FRMPD4: variants seen among roughly 807,000 people sequenced by gnomAD.
FRMPD4 encodes the protein FERM and PDZ domain-containing protein 4.
A neutral mutation model predicts 94.1 loss-of-function variants in FRMPD4; 22 were observed. The observed-to-expected ratio is 0.23, with a 90% CI of 0.17 to 0.33. FRMPD4 has a LOEUF of 0.33. Ranked by LOEUF, FRMPD4 falls within the 10% of genes least tolerant of loss-of-function variation. The probability of loss-of-function intolerance (pLI) is 1.00; values close to 1 mark genes in which losing one functional copy is unlikely to be tolerated. For missense variants in FRMPD4, 1,111 were observed against 1,339.9 expected (o/e 0.83, Z 2.67); for synonymous variants, 631 against 548.6 (o/e 1.15, Z -2.10).
chrX:12,102,392 A>C (rs1457361000), intron 3 of FRMPD4, among the ~76,000 whole-genome samples: 3 of 111,885 alleles, frequency 2.7e-5, no homozygotes, highest in Non-Finnish European at 1.9e-5. Flanking sequence ...ATGTGTATGC[A>C]CACATGTATC....
Position 12,087,292 on chromosome X carries a change from G to C in FRMPD4, c.95+209274G>C, listed in dbSNP as rs770537507. Among the ~76,000 whole-genome samples, 7 of 111,830 alleles carry C rather than the reference G, an allele frequency of 6.3e-5. No individual in the cohort carries two copies. In the South Asian group the frequency reaches 2.7e-3, roughly 44 times the overall value. On this transcript the variant is annotated intron_variant, in intron 3 of 18. Transcript: ENST00000640291. ...CTAAGAGTTCTAGGGGAAAGTCAAA[G>C]AGAGAAGTTTAAAATGTGGTGGCAA...
intron 1 of FRMPD4, among the ~76,000 whole-genome samples, chrX:12,407,448 T>C (rs1183124058): frequency 8.9e-6 from 1 of 112,056 alleles, no homozygotes. Context: ...GGAAAGTCAC[T>C]TCGCCTTGCC....
intron 1 of FRMPD4, among the ~76,000 whole-genome samples, chrX:12,278,610 G>A (rs2054477891): frequency 8.9e-6 from 1 of 112,538 alleles, no homozygotes; most frequent in South Asian, 3.7e-4. Flanking sequence ...ACTTTAAGAT[G>A]TCTTGGGTTT....
At chrX:12,290,316 A>G (rs922927888) in intron 1 of FRMPD4, among the ~76,000 whole-genome samples, 2 of 112,327 alleles carry the variant, frequency 1.8e-5, no homozygotes, top group Non-Finnish European at 3.8e-5. Flanking sequence ...ATACTGCCCA[A>G]AGGTAAAATA....
chrX:12,286,959 G>A (rs1439015968), intron 1 of FRMPD4, among the ~76,000 whole-genome samples: 3 of 112,156 alleles, frequency 2.7e-5, no homozygotes, highest in Admixed American at 9.4e-5. Flanking sequence ...CATCAATCCT[G>A]ACTTGGCCTA....
chrX:12,364,371 A>G (rs752263026), intron 1 of FRMPD4, among the ~76,000 whole-genome samples: 2 of 111,339 alleles, frequency 1.8e-5, no homozygotes, highest in African/African-American at 6.6e-5. Flanking sequence ...TGTGGTTTTC[A>G]TGGGAAGGAA....
At chrX:11,889,185 C>T (rs1030284675) in intron 3 of FRMPD4, among the ~76,000 whole-genome samples, 2 of 112,125 alleles carry the variant, frequency 1.8e-5, no homozygotes, top group South Asian at 7.4e-4. Flanking sequence ...AAATATAATG[C>T]AAGTTTCTTG....
chrX:12,714,416 A>G (rs1204722239), intron 14 of FRMPD4, among the ~76,000 whole-genome samples: 1 of 111,382 alleles, frequency 9.0e-6, no homozygotes, highest in Non-Finnish European at 1.9e-5. Context: ...TCTCTCTGCC[A>G]TTGAATTTAG....
At chrX:12,432,854 G>A (rs1252816139) in intron 1 of FRMPD4, among the ~76,000 whole-genome samples, 2 of 112,204 alleles carry the variant, frequency 1.8e-5, no homozygotes, top group East Asian at 2.8e-4. Context: ...TCCAGCCTTG[G>A]CCTCCCAAAG....
intron 3 of FRMPD4, among the ~76,000 whole-genome samples, chrX:12,123,123 C>CTTTTT (rs58251577): frequency 3.7e-4 from 31 of 84,260 alleles, no homozygotes; most frequent in Non-Finnish European, 4.4e-4. Flanking sequence ...ATTTTCTTTT[C>CTTTTT]TTTTTTTTTT....
At chrX:11,994,329 A>G (rs1321094327) in intron 3 of FRMPD4, among the ~76,000 whole-genome samples, 1 of 110,811 alleles carries the variant, frequency 9.0e-6, no homozygotes, top group African/African-American at 3.3e-5. Context: ...GAGGGATGTT[A>G]TTTTTTCCCA....
At chrX:12,270,571 A>G (rs1176534758) in intron 1 of FRMPD4, among the ~76,000 whole-genome samples, 6 of 112,013 alleles carry the variant, frequency 5.4e-5, no homozygotes, top group Non-Finnish European at 3.8e-5. Flanking sequence ...TCAGAAATAT[A>G]CATATATGTA....
intron 3 of FRMPD4, among the ~76,000 whole-genome samples, chrX:12,039,108 T>G (rs922349935): frequency 1.8e-5 from 2 of 110,721 alleles, no homozygotes; most frequent in Non-Finnish European, 1.9e-5. Flanking sequence ...GCTGAAGCGA[T>G]CCCCCCACCT....
At chrX:11,931,795 C>G (rs749339087) in intron 3 of FRMPD4, among the ~76,000 whole-genome samples, 4 of 111,779 alleles carry the variant, frequency 3.6e-5, no homozygotes, top group Non-Finnish European at 7.5e-5. Context: ...TTTCCTTAAG[C>G]AGTACAAATG....
intron 1 of FRMPD4, among the ~76,000 whole-genome samples, chrX:12,481,284 C>A (rs1427019208): frequency 2.7e-5 from 3 of 111,646 alleles, no homozygotes; most frequent in Non-Finnish European, 5.6e-5. Context: ...CCTAGGCCCC[C>A]ACGCCTGCCT....
At chrX:12,325,860 G>C (rs2055279412) in intron 1 of FRMPD4, among the ~76,000 whole-genome samples, 1 of 112,020 alleles carries the variant, frequency 8.9e-6, no homozygotes, top group Non-Finnish European at 1.9e-5. Context: ...TGAAGTAACG[G>C]GTTACTCCTA....
intron 1 of FRMPD4, among the ~76,000 whole-genome samples, chrX:12,142,070 T>G (rs1774020094): frequency 8.9e-6 from 1 of 111,773 alleles, no homozygotes; most frequent in African/African-American, 3.2e-5. Flanking sequence ...GTTCATAGAT[T>G]AAGTCCCTGA....
chrX:12,227,139 C>T (rs2056930970), intron 1 of FRMPD4, among the ~76,000 whole-genome samples: 1 of 111,140 alleles, frequency 9.0e-6, no homozygotes, highest in East Asian at 2.8e-4. Flanking sequence ...AAGCGAGTGG[C>T]TATGGCACAC....
intron 5 of FRMPD4, 137 bp from the exon 6 acceptor site, chrX:12,683,346 A>T: frequency 5.0e-6 from 2 of 400,979 alleles, no homozygotes; most frequent in Non-Finnish European, 8.8e-6. Flanking sequence ...TATAATTTGC[A>T]TTTTGTCCTT....
Sources: allele counts gnomAD v4.1 joint callset (sites outside exome capture counted in the v4.1 genomes callset), GRCh38; gene constraint gnomAD v4.1.1; transcripts MANE v1.5; gene names NCBI Gene and HGNC (gene_info 2026-07-23, HGNC 2026-07-21).